Variants in FSTL5 observed in about 807,000 individuals in gnomAD.
FSTL5 encodes the protein follistatin-related protein 5.
FSTL5 carries 62 observed loss-of-function variants against 89.1 expected under a neutral mutation model. The observed-to-expected ratio is 0.70, with a 90% CI of 0.57 to 0.86. The LOEUF (loss-of-function observed/expected upper bound fraction) is 0.86, where lower values mean the gene tolerates loss of function less well. Among genes scored for constraint, FSTL5 ranks in the 40% least tolerant of loss-of-function variants. FSTL5 has a pLI of 0.00. For missense variants in FSTL5, 1,057 were observed against 1,001.6 expected, an observed-to-expected ratio of 1.06 and a Z score of -0.75; for synonymous variants, 383 against 346.2, an observed-to-expected ratio of 1.11 and a Z score of -1.18.
intron 6 of FSTL5, among the ~76,000 whole-genome samples, chr4:161,703,738 T>C (rs182901653): frequency 6.6e-6 from 1 of 152,144 alleles, no homozygotes; most frequent in Admixed American, 6.6e-5. Context: ...CATTGAAGAG[T>C]CTATAGAATA....
At chr4:161,653,851 A>G (rs1736420159) in intron 7 of FSTL5, among the ~76,000 whole-genome samples, 1 of 152,162 alleles carries the variant, frequency 6.6e-6, no homozygotes, top group Admixed American at 6.6e-5. Flanking sequence ...TCTTTGAAAG[A>G]TATCTTTGCA....
At chr4:161,975,735 C>T (rs1735618225) in intron 3 of FSTL5, among the ~76,000 whole-genome samples, 2 of 140,976 alleles carry the variant, frequency 1.4e-5, no homozygotes, top group African/African-American at 5.4e-5. Flanking sequence ...CACATGTACC[C>T]TAAAACTTAA....
At chr4:162,130,515 T>G (rs907498728) in intron 1 of FSTL5, among the ~76,000 whole-genome samples, 1 of 152,170 alleles carries the variant, frequency 6.6e-6, no homozygotes, top group Admixed American at 6.5e-5. Flanking sequence ...AAGAAACAAC[T>G]TCAAGTACAA....
intron 4 of FSTL5, among the ~76,000 whole-genome samples, chr4:161,861,508 C>T (rs1212072600): frequency 6.6e-6 from 1 of 151,968 alleles, no homozygotes; most frequent in African/African-American, 2.4e-5. Context: ...GAAGGAAGGC[C>T]TAAATGCTAA....
intron 15 of FSTL5, among the ~76,000 whole-genome samples, chr4:161,440,474 AAAAAGT>A (rs1315337266): frequency 6.6e-6 from 1 of 152,146 alleles, no homozygotes; most frequent in East Asian, 1.9e-4. Context: ...CAGATAAGCA[AAAAAGT>A]CCCGCATTCA....
intron 7 of FSTL5, among the ~76,000 whole-genome samples, chr4:161,619,429 C>G (rs1230525939): frequency 1.1e-4 from 17 of 152,064 alleles, no homozygotes; most frequent in African/African-American, 1.4e-4. Context: ...GATAATTTTC[C>G]CAACCTACTC....
At chr4:161,780,959 C>T (rs751958658) in intron 4 of FSTL5, among the ~76,000 whole-genome samples, 1 of 152,016 alleles carries the variant, frequency 6.6e-6, no homozygotes, top group Non-Finnish European at 1.5e-5. Context: ...TAAAAGGAAA[C>T]CATGTTTTAT....
chr4:161,484,651 A>G (rs914084293), intron 12 of FSTL5, among the ~76,000 whole-genome samples: 2 of 152,200 alleles, frequency 1.3e-5, no homozygotes. Flanking sequence ...CTCTTTTAAA[A>G]GATATATTTT....
At chr4:161,862,029 A>C (rs2126891081) in intron 4 of FSTL5, among the ~76,000 whole-genome samples, 1 of 152,340 alleles carries the variant, frequency 6.6e-6, no homozygotes, top group South Asian at 2.1e-4. Context: ...AGATCAAATT[A>C]ACCCTCAATG....
At chr4:161,952,631 T>C (rs1734928301) in intron 3 of FSTL5, among the ~76,000 whole-genome samples, 2 of 151,960 alleles carry the variant, frequency 1.3e-5, no homozygotes, top group South Asian at 4.1e-4. Context: ...TAAACATGGT[T>C]AGTGTTTTAC....
chr4:162,071,172 A>G (rs539765095), intron 2 of FSTL5, among the ~76,000 whole-genome samples: 1 of 151,558 alleles, frequency 6.6e-6, no homozygotes, highest in African/African-American at 2.4e-5. Flanking sequence ...AATTCCTCCA[A>G]TTAAAAAATA....
chr4:161,461,288 C>CCAAAAAA (rs1733565389), intron 13 of FSTL5, among the ~76,000 whole-genome samples: 1 of 72,646 alleles, frequency 1.4e-5, no homozygotes, highest in African/African-American at 6.7e-5. Context: ...ACTAAAAATA[C>CCAAAAAA]AAAAAAAACA....
intron 6 of FSTL5, among the ~76,000 whole-genome samples, chr4:161,693,072 T>A (rs1344272075): frequency 6.6e-6 from 1 of 152,140 alleles, no homozygotes; most frequent in Admixed American, 6.6e-5. Flanking sequence ...GACACAATTT[T>A]TGTTTATTTG....
chr4:161,889,215 T>C (rs1732909477), intron 4 of FSTL5, among the ~76,000 whole-genome samples: 2 of 152,200 alleles, frequency 1.3e-5, no homozygotes. Context: ...AAATTCTGCT[T>C]TAAACAATAT....
At chr4:161,629,733 G>A (rs1431278539) in intron 7 of FSTL5, among the ~76,000 whole-genome samples, 5 of 152,150 alleles carry the variant, frequency 3.3e-5, no homozygotes, top group Admixed American at 1.3e-4. Flanking sequence ...GTTTTTGGCC[G>A]AGTCAGTTCA....
intron 3 of FSTL5, among the ~76,000 whole-genome samples, chr4:161,975,934 T>G (rs1393796301): frequency 6.7e-6 from 1 of 149,200 alleles, no homozygotes; most frequent in Non-Finnish European, 1.5e-5. Context: ...GCTAACACCA[T>G]GAAACCCCGT....
intron 8 of FSTL5, among the ~76,000 whole-genome samples, chr4:161,572,114 A>T (rs1733037130): frequency 1.3e-5 from 2 of 151,846 alleles, no homozygotes; most frequent in South Asian, 4.2e-4. Context: ...GTTCAAGACC[A>T]TCCAGACCAG....
chr4:161,981,306 T>C (rs1316430529), intron 3 of FSTL5, among the ~76,000 whole-genome samples: 1 of 152,074 alleles, frequency 6.6e-6, no homozygotes, highest in Non-Finnish European at 1.5e-5. Context: ...GTTAGATCCA[T>C]TAAAAGATAA....
At chr4:161,713,441 T>G (rs9999052) in intron 6 of FSTL5, among the ~76,000 whole-genome samples, 48,983 of 152,036 alleles carry the variant, frequency 0.32, 8,169 homozygotes, top group Middle Eastern at 0.39. Context: ...GTTTTCCTAC[T>G]GTGTGACTTT....
Sources: allele counts gnomAD v4.1 joint callset (sites outside exome capture counted in the v4.1 genomes callset), GRCh38; gene constraint gnomAD v4.1.1; transcripts MANE v1.5; gene names NCBI Gene and HGNC (gene_info 2026-07-23, HGNC 2026-07-21).